The following TRPM7 variants were observed in gnomAD, a reference collection of about 807,000 sequenced individuals.
The protein encoded by TRPM7 is LTRPC ion channel family member 7.
In TRPM7, 134 loss-of-function variants were observed where a neutral mutation model predicts 229.7. That is an observed-to-expected ratio of 0.58 (90% confidence interval 0.51 to 0.67). The LOEUF (loss-of-function observed/expected upper bound fraction) is 0.67. Ranked by LOEUF, TRPM7 falls within the 30% of genes least tolerant of loss-of-function variation. TRPM7 has a pLI of 0.00. For synonymous variants in TRPM7, 699 were observed against 715.2 expected, an observed-to-expected ratio of 0.98 and a Z score of 0.36; for missense variants, 1,901 against 2,210.0, an observed-to-expected ratio of 0.86 and a Z score of 2.80.
In TRPM7 at chr15:50,648,541, C is replaced by T. The variant is rs2061332476; in HGVS notation, c.321+146G>A. ...AAAGGTTCAATCCACCAGAAAGATA[C>T]AATTCTATATTTGTATGCACCTTTG... On this transcript the variant is annotated intron_variant, in intron 4 of 38. Coordinates refer to ENST00000646667, the MANE Select transcript of TRPM7 (RefSeq NM_017672.6). 7.1e-6 allele frequency: 4 copies of T among 560,380 alleles called. No homozygotes were observed. In the East Asian group the frequency reaches 9.6e-5, roughly 13 times the overall value. The allele number at this position is 560,380 out of a possible 1,614,324, so 34.7% of individuals were successfully genotyped here.
intron 38 of TRPM7, among the ~76,000 whole-genome samples, chr15:50,564,259 A>AAATGAAATG: frequency 2.2e-5 from 1 of 45,468 alleles, no homozygotes; most frequent in Admixed American, 3.4e-4. Flanking sequence ...AAAATAAAAT[A>AAATGAAATG]AAATAAAATA....
intron 3 of TRPM7, among the ~76,000 whole-genome samples, chr15:50,649,691 T>C (rs959476482): frequency 2.0e-5 from 3 of 152,176 alleles, no homozygotes; most frequent in African/African-American, 7.2e-5. Flanking sequence ...GATGGCTTTC[T>C]ACCCAGAAGC....
chr15:50,630,195 A>T (rs1464258463), intron 10 of TRPM7, among the ~76,000 whole-genome samples: 5 of 151,262 alleles, frequency 3.3e-5, no homozygotes, highest in African/African-American at 1.2e-4. Flanking sequence ...CCATTTATTA[A>T]TTTTTTTTCC....
rs745515969 is a variant in TRPM7, at chr15:50,599,280, T to C, written c.3005A>G (p.Tyr1002Cys). ...MIGKMVANMF[Y>C]IVVIMALVLL... ...TACAAGAGCCATAATCACTACAATG[T>C]AGAACATATTGGCCACCTGTTAAAA... The change falls in exon 22 of 39, where the codon TAC (tyrosine) becomes TGC (cysteine). Residue 1002 changes from tyrosine to cysteine, a missense_variant. Coordinates refer to ENST00000646667, the MANE Select transcript of TRPM7 (RefSeq NM_017672.6). 4.7e-5 allele frequency: 75 copies of C among 1,604,900 alleles called. No homozygotes were observed. The highest frequency in any genetic ancestry group is 6.1e-5 in the Non-Finnish European group (72 of 1,176,454).
At chr15:50,633,047 C>A in intron 8 of TRPM7, 55 bp from the exon 9 acceptor site, 1 of 1,505,672 alleles carries the variant, frequency 6.6e-7, no homozygotes, top group Non-Finnish European at 8.9e-7. Flanking sequence ...TTTGTAGGAT[C>A]AATATGAAGT....
At chr15:50,606,788 CG>C (rs1297034616) in intron 20 of TRPM7, among the ~76,000 whole-genome samples, 5 of 152,114 alleles carry the variant, frequency 3.3e-5, no homozygotes, top group African/African-American at 1.2e-4. Flanking sequence ...CGTGAGCCAC[CG>C]CGCCTGGCCT....
chr15:50,561,799 C>T lies in TRPM7; in HGVS notation c.5477G>A (p.Arg1826Lys). The change falls in exon 39 of 39, where the codon AGG (arginine) becomes AAG (lysine). Residue 1826 changes from arginine to lysine, a missense_variant. Around this residue, in one of 8 missense-constraint regions of TRPM7, gnomAD observed 257 missense variants for 352.0 expected, o/e 0.73. Coordinates refer to ENST00000646667, the MANE Select transcript of TRPM7 (RefSeq NM_017672.6). ...CRKLKLPDLK[R>K]NDYTPDKIIF... is the part of the protein sequence containing the mutation. ...AATTTTATCAGGCGTATAATCATTC[C>T]TCTTCAGATCTACATTGAACACCCA... 1 of 1,598,220 alleles carries T rather than the reference C, an allele frequency of 6.3e-7. No homozygotes were observed. Among genetic ancestry groups the T allele is most frequent in the Non-Finnish European group, 8.5e-7 (1 of 1,174,778 alleles).
chr15:50,672,081 G>A (rs1169525480), intron 1 of TRPM7, among the ~76,000 whole-genome samples: 1 of 151,978 alleles, frequency 6.6e-6, no homozygotes. Flanking sequence ...TTTTGAGACG[G>A]AGTCTCACTG....
Position 50,686,678 on chromosome 15 carries a change from A to C in TRPM7, c.-145T>G. On this transcript the variant is annotated 5_prime_UTR_variant, in exon 1 of 39. Coordinates refer to ENST00000646667, the MANE Select transcript of TRPM7 (RefSeq NM_017672.6). ...GCCCAGGGAAACCTTCTCAGAACTA[A>C]CTCAGCTCCGGCGCTAGCAGCAGAA... 1 of 1,069,128 alleles carries C rather than the reference A, an allele frequency of 9.4e-7. No homozygotes were observed. The highest frequency in any genetic ancestry group is 1.3e-6 in the Non-Finnish European group (1 of 756,932). The allele number at this position is 1,069,128 out of a possible 1,614,324, so 66.2% of individuals were successfully genotyped here. A position where few individuals can be genotyped will look rare whatever the true frequency, so the allele number is the denominator to read the frequency against.
chr15:50,643,417 T>C lies in TRPM7; in HGVS notation c.458A>G (p.Lys153Arg), dbSNP rs2061163602. Residue 153 changes from lysine (K) to arginine (R), a missense_variant, in exon 5 of 39, where the codon AAG becomes AGG. Lys to Arg is a conservative substitution (Grantham distance 26). Around this residue, in one of 8 missense-constraint regions of TRPM7, gnomAD observed 794 missense variants for 881.9 expected, o/e 0.90. Coordinates refer to ENST00000646667, the MANE Select transcript of TRPM7 (RefSeq NM_017672.6). The stretch of plus-strand genomic sequence containing the variant: ...AATAAGACCTTTTCCAAGCAACTGC[T>C]TGATTCGTGGGTGAAGCTCAAATTT... ...MQKFELHPRI[K>R]QLLGKGLIKA... The C allele has an allele frequency of 1.9e-6, 3 of 1,614,226 alleles. No homozygotes were observed. The highest frequency in any genetic ancestry group is 2.5e-6 in the Non-Finnish European group (3 of 1,180,044).
At chr15:50,603,683 G>A (rs8039532) in intron 21 of TRPM7, among the ~76,000 whole-genome samples, 3,285 of 152,136 alleles carry the variant, frequency 0.022, 126 homozygotes, top group African/African-American at 0.077. Context: ...TGGTGTATAC[G>A]TGCCGCATTT....
At chr15:50,603,383 T>C (rs996140065) in intron 21 of TRPM7, among the ~76,000 whole-genome samples, 1 of 151,990 alleles carries the variant, frequency 6.6e-6, no homozygotes, top group Non-Finnish European at 1.5e-5. Flanking sequence ...TTGTTACATA[T>C]GTATACATGT....
chr15:50,571,024 C>A (rs999554015), intron 36 of TRPM7, among the ~76,000 whole-genome samples: 1 of 152,070 alleles, frequency 6.6e-6, no homozygotes, highest in Non-Finnish European at 1.5e-5. Context: ...ATGATTAAAT[C>A]CTTCCAGTCT....
rs937851165 is a variant in TRPM7, at chr15:50,557,375, T to A, written c.*4303A>T. On this transcript the variant is annotated 3_prime_UTR_variant, in exon 39 of 39. Transcript: ENST00000646667. ...ACTCAATCCAGTGAAGTCTTGAGGG[T>A]CCCTTCCCTCTGTGAAGCATATAAT... 3 of 152,100 alleles carry A rather than the reference T, an allele frequency of 2.0e-5. No individual in the cohort carries two copies. The highest frequency in any genetic ancestry group is 6.5e-5 in the Admixed American group (1 of 15,268). The allele number at this position is 152,100 out of a possible 1,614,324, so 9.4% of individuals were successfully genotyped here.
At chr15:50,595,462 A>G (rs893233531) in intron 23 of TRPM7, among the ~76,000 whole-genome samples, 6 of 151,964 alleles carry the variant, frequency 3.9e-5, no homozygotes, top group African/African-American at 1.2e-4. Context: ...ATTATGGTCT[A>G]TATCATGGAG....
At chr15:50,581,370 G>A (rs2054401921) in intron 29 of TRPM7, among the ~76,000 whole-genome samples, 1 of 151,860 alleles carries the variant, frequency 6.6e-6, no homozygotes, top group African/African-American at 2.4e-5. Context: ...GTGGTGGCGG[G>A]CGCCTATAAT....
At chr15:50,672,925 A>G (rs1326517919) in intron 1 of TRPM7, among the ~76,000 whole-genome samples, 1 of 147,228 alleles carries the variant, frequency 6.8e-6, no homozygotes, top group East Asian at 2.0e-4. Flanking sequence ...AAAAAAAAAA[A>G]GCTTATAGAA....
chr15:50,675,042 T>C (rs1454106420), intron 1 of TRPM7, among the ~76,000 whole-genome samples: 1 of 152,082 alleles, frequency 6.6e-6, no homozygotes, highest in Non-Finnish European at 1.5e-5. Flanking sequence ...GACATTAGCA[T>C]GTTTCAAGAA....
chr15:50,594,525 C>T lies in TRPM7; in HGVS notation c.3379G>A (p.Val1127Ile). The T allele has an allele frequency of 1.2e-6, 2 of 1,613,088 alleles. No individual in the cohort carries two copies. The highest frequency in any genetic ancestry group is 1.7e-6 in the Non-Finnish European group (2 of 1,179,370). ...HFIMAYHEKP[V>I]LPPPLIILSH... ...AGAATGATAAGTGGAGGAGGCAGAA[C>T]TGGTTTCTCATGATAAGCCATAATA... is the stretch of plus-strand genomic sequence containing the variant. The change falls in exon 24 of 39, where the codon GTT (valine) becomes ATT (isoleucine). Residue 1127 changes from valine to isoleucine, a missense_variant. Physicochemically the swap from Val to Ile is conservative, Grantham distance 29. Around this residue, in one of 8 missense-constraint regions of TRPM7, gnomAD observed 89 missense variants for 178.2 expected, o/e 0.50. Transcript: ENST00000646667.
Sources: gnomAD v4.1 joint callset for allele counts (sites outside exome capture counted in the v4.1 genomes callset) on GRCh38, gnomAD v4.1.1 for gene constraint, gnomAD v4.1.1 regional missense constraint, MANE v1.5 for transcripts, NCBI Gene and HGNC (gene_info 2026-07-23, HGNC 2026-07-21) for gene names.